The following GRXCR2 variants were observed in gnomAD, a reference collection of about 807,000 sequenced individuals.
GRXCR2 encodes glutaredoxin domain-containing cysteine-rich protein 2.
In GRXCR2, 23 loss-of-function variants were observed where a neutral mutation model predicts 24.8. That is an observed-to-expected ratio of 0.93 (90% CI 0.67 to 1.32). The LOEUF (loss-of-function observed/expected upper bound fraction) is 1.32, where lower values mean the gene tolerates loss of function less well. Ranked by LOEUF, GRXCR2 falls within the 40% of genes most tolerant of loss-of-function variation. The probability of loss-of-function intolerance (pLI) is 0.00; values close to 1 mark genes in which losing one functional copy is unlikely to be tolerated. For missense variants in GRXCR2, 315 were observed against 303.4 expected, an observed-to-expected ratio of 1.04 and a Z score of -0.28; for synonymous variants, 130 against 116.1, an observed-to-expected ratio of 1.12 and a Z score of -0.77.
chr5:145,879,364 G>A (rs1302270769), intron 2 of GRXCR2, among the ~76,000 whole-genome samples: 21 of 114,684 alleles, frequency 1.8e-4, no homozygotes, highest in Non-Finnish European at 3.0e-4. Context: ...CCAAGCAAAT[G>A]CACAGCAAAA....
intron 2 of GRXCR2, among the ~76,000 whole-genome samples, chr5:145,909,924 T>G (rs1757142112): frequency 6.6e-6 from 1 of 152,120 alleles, no homozygotes; most frequent in South Asian, 2.1e-4. Context: ...TCCTGCACAT[T>G]TACAAGGCTA....
At chr5:145,875,030 G>T (rs1335283142), upstream of GRXCR2, among the ~76,000 whole-genome samples, 1 of 152,106 alleles carries the variant, frequency 6.6e-6, no homozygotes, top group African/African-American at 2.4e-5. Context: ...CGGACCTACC[G>T]CCATTCAGAT....
intron 2 of GRXCR2, among the ~76,000 whole-genome samples, chr5:145,904,426 A>C (rs921436073): frequency 1.8e-4 from 28 of 152,134 alleles, no homozygotes; most frequent in African/African-American, 6.5e-4. Flanking sequence ...TTGGACTTGA[A>C]GTTTTTAACC....
At chr5:145,884,746 A>G (rs1756754743) in intron 2 of GRXCR2, among the ~76,000 whole-genome samples, 1 of 152,212 alleles carries the variant, frequency 6.6e-6, no homozygotes, top group Non-Finnish European at 1.5e-5. Flanking sequence ...TAAAAAATTT[A>G]CATTCCAAGC....
chr5:145,893,473 G>A (rs1756901483), intron 2 of GRXCR2, among the ~76,000 whole-genome samples: 1 of 152,028 alleles, frequency 6.6e-6, no homozygotes, highest in South Asian at 2.1e-4. Context: ...AAAAGGCAGG[G>A]GTTGCAATCC....
upstream of GRXCR2, among the ~76,000 whole-genome samples, chr5:145,873,870 C>A (rs1292696589): frequency 6.6e-6 from 1 of 152,200 alleles, no homozygotes; most frequent in Non-Finnish European, 1.5e-5. Flanking sequence ...AAGCATGTGA[C>A]CTGGGCCTGA....
At chr5:145,883,712 G>GTAAAACCCCATCTC (rs1436697380) in intron 2 of GRXCR2, among the ~76,000 whole-genome samples, 2 of 152,056 alleles carry the variant, frequency 1.3e-5, no homozygotes, top group East Asian at 3.9e-4. Flanking sequence ...GGGCAAGTTG[G>GTAAAACCCCATCTC]TAAAACCCCA....
intron 2 of GRXCR2, among the ~76,000 whole-genome samples, chr5:145,918,315 C>T (rs1192999980): frequency 6.6e-6 from 1 of 152,140 alleles, no homozygotes; most frequent in East Asian, 1.9e-4. Context: ...AAATAATTAG[C>T]CTGTGGTCTC....
At chr5:145,873,398 T>G (rs1756564996), upstream of GRXCR2, among the ~76,000 whole-genome samples, 1 of 152,240 alleles carries the variant, frequency 6.6e-6, no homozygotes, top group Non-Finnish European at 1.5e-5. Flanking sequence ...CAGAGATTGT[T>G]ACATGCATTA....
intron 2 of GRXCR2, among the ~76,000 whole-genome samples, chr5:145,928,920 C>T (rs1052794305): frequency 2.0e-5 from 3 of 151,698 alleles, no homozygotes; most frequent in Admixed American, 2.0e-4. Context: ...AAAAGTATTA[C>T]ACTAGAATAT....
At chr5:145,867,993 G>A (rs530145373) in intron 1 of GRXCR2, among the ~76,000 whole-genome samples, 68 of 152,044 alleles carry the variant, frequency 4.5e-4, no homozygotes, top group Non-Finnish European at 7.8e-4. Flanking sequence ...CCAAGTCTCA[G>A]TACTCTTCTC....
At position 145,896,881 on chromosome 5, in the gene GRXCR2, A is replaced by C. The variant is rs376469310; in HGVS notation, c.-69-30153T>G. Among the ~76,000 whole-genome samples, 89 of 152,280 alleles carry C rather than the reference A, an allele frequency of 5.8e-4. 3 individuals carry two copies. In the South Asian group the frequency reaches 0.017, roughly 29 times the overall value. On this transcript the variant is annotated intron_variant, in intron 2 of 3. Transcript: ENST00000639411. ...TCACAATAGCAAAGACTTGGAACCA[A>C]GCCAAATGTCCAAGAATGATAGACT...
upstream of GRXCR2, among the ~76,000 whole-genome samples, chr5:145,874,308 A>G (rs973338853): frequency 3.0e-4 from 45 of 151,922 alleles, no homozygotes; most frequent in African/African-American, 1.1e-3. Flanking sequence ...AGTTCGAGCA[A>G]TTCTCATGCC....
intron 2 of GRXCR2, among the ~76,000 whole-genome samples, chr5:145,922,510 C>T (rs1412314115): frequency 6.6e-6 from 1 of 152,160 alleles, no homozygotes; most frequent in Non-Finnish European, 1.5e-5. Context: ...GAAGGTATTT[C>T]AGTGTCATCA....
At chr5:145,910,837 A>AGTGTGTGTGTGT (rs59096502) in intron 2 of GRXCR2, among the ~76,000 whole-genome samples, 2,530 of 150,294 alleles carry the variant, frequency 0.017, 26 homozygotes, top group South Asian at 0.046. Flanking sequence ...AACTATGTGA[A>AGTGTGTGTGTGT]GTGTGTGTGT....
chr5:145,886,147 C>T (rs758606512), intron 2 of GRXCR2, among the ~76,000 whole-genome samples: 8 of 152,156 alleles, frequency 5.3e-5, no homozygotes, highest in African/African-American at 1.2e-4. Flanking sequence ...TCTGAATATA[C>T]GATCAGTGCA....
rs1756280812 is a variant in GRXCR2, at chr5:145,858,663, A to G, written c.*1070T>C. On this transcript the variant is annotated 3_prime_UTR_variant, in exon 3 of 3. Coordinates refer to ENST00000377976, the MANE Select transcript of GRXCR2 (RefSeq NM_001080516.2). The stretch of plus-strand genomic sequence containing the variant: ...ATGAAATCAAAATTATTATCACAGA[A>G]TGCAGCAGGTCTCAAGAGATAAATT... 6.6e-6 allele frequency: 1 copy of G among 152,232 alleles called. No homozygotes were observed. Among genetic ancestry groups the G allele is most frequent in the Non-Finnish European group, 1.5e-5 (1 of 68,040 alleles). 9.4% of individuals were successfully genotyped at this position (152,232 alleles called of 1,614,324 possible). A position where few individuals can be genotyped will look rare whatever the true frequency, so the allele number is the denominator to read the frequency against.
At chr5:145,869,270 T>C (rs2149910862) in intron 1 of GRXCR2, among the ~76,000 whole-genome samples, 1 of 152,372 alleles carries the variant, frequency 6.6e-6, no homozygotes, top group Admixed American at 6.5e-5. Context: ...AAAACACTCA[T>C]AGAAATGTTG....
intron 2 of GRXCR2, among the ~76,000 whole-genome samples, chr5:145,911,870 C>T (rs77010206): frequency 0.014 from 2,070 of 152,304 alleles, 58 homozygotes; most frequent in African/African-American, 0.047. Context: ...GGAAGGATCA[C>T]TTGAGTCTAG....
Sources: gnomAD v4.1 joint callset for allele counts (sites outside exome capture counted in the v4.1 genomes callset) on GRCh38, gnomAD v4.1.1 for gene constraint, MANE v1.5 for transcripts, NCBI Gene and HGNC (gene_info 2026-07-23, HGNC 2026-07-21) for gene names.